FNDC3A: variants seen among roughly 807,000 people sequenced by gnomAD.
FNDC3A encodes fibronectin type III domain containing 3A, also known as fibronectin type-III domain-containing protein 3A.
FNDC3A carries 32 observed loss-of-function variants against 148.9 expected under a neutral mutation model. The ratio of observed to expected loss-of-function variants is 0.21; its 90% CI spans 0.16 to 0.29. The LOEUF (loss-of-function observed/expected upper bound fraction) is 0.29, where lower values mean the gene tolerates loss of function less well. FNDC3A is among the 10% of genes least tolerant of loss of function. The pLI is 1.00. For synonymous variants in FNDC3A, 472 were observed against 473.6 expected (o/e 1.00, Z 0.04); for missense variants, 1,191 against 1,452.8 (o/e 0.82, Z 2.93).
chr13:48,975,868 G>T (rs1363338646), upstream of FNDC3A: 2 of 151,236 alleles, frequency 1.3e-5, no homozygotes, highest in Non-Finnish European at 3.0e-5. Context: ...CTCCGTCGGC[G>T]GGGCCCGCGC....
intron 1 of FNDC3A, among the ~76,000 whole-genome samples, chr13:48,983,252 A>G (rs181476756): frequency 4.7e-4 from 71 of 152,354 alleles, no homozygotes; most frequent in Admixed American, 7.2e-4. Flanking sequence ...GTCTTTTAAT[A>G]TTTAAATGCA....
intron 11 of FNDC3A, 89 bp downstream of exon 11, chr13:49,172,185 A>G: frequency 1.3e-6 from 1 of 759,596 alleles, no homozygotes. Flanking sequence ...ATCATCAAGT[A>G]TATTCTTCTG....
chr13:49,010,106 C>T (rs893377484), intron 2 of FNDC3A, among the ~76,000 whole-genome samples: 1 of 152,154 alleles, frequency 6.6e-6, no homozygotes, highest in Non-Finnish European at 1.5e-5. Flanking sequence ...ATGTTCTGGT[C>T]AGGAGGCAGA....
At position 49,167,311 on chromosome 13, in the gene FNDC3A, A is replaced by G. The variant is rs1363514107; in HGVS notation, c.1037+8A>G. On this transcript the variant is annotated splice_region_variant and intron_variant, in intron 9 of 25. Coordinates refer to ENST00000492622, the MANE Select transcript of FNDC3A (RefSeq NM_001079673.2). ...CATGGATTACCATGCAAAGTAAGGA[A>G]TTCCTACAGATTGCCTTTATAAGAT... is the stretch of plus-strand genomic sequence containing the variant. The G allele has an allele frequency of 3.2e-6, 5 of 1,566,486 alleles. No homozygotes were observed. Among genetic ancestry groups the G allele is most frequent in the Non-Finnish European group, 4.4e-6 (5 of 1,144,014 alleles).
chr13:49,167,318 C>A lies in FNDC3A; in HGVS notation c.1037+15C>A. On this transcript the variant is annotated intron_variant, in intron 9 of 25. Coordinates refer to ENST00000492622, the MANE Select transcript of FNDC3A (RefSeq NM_001079673.2). Reference sequence around the variant, plus strand: ...TACCATGCAAAGTAAGGAATTCCTACAGATTGCCTTTATAAGATACAGCAT... The same window carrying A: ...TACCATGCAAAGTAAGGAATTCCTAAAGATTGCCTTTATAAGATACAGCAT... The A allele has an allele frequency of 6.5e-7, 1 of 1,540,000 alleles. No individual in the cohort carries two copies.
In FNDC3A at chr13:49,156,546, A is replaced by G. The variant is rs958136212; in HGVS notation, c.977+10611A>G. Reference sequence around the variant, plus strand: ...TTTAAAGTTAATATTGTTATGTGTGAATTTGATCCTGTCATTATGATGTTA... The same window carrying G: ...TTTAAAGTTAATATTGTTATGTGTGGATTTGATCCTGTCATTATGATGTTA... On this transcript the variant is annotated intron_variant, in intron 8 of 25. Transcript: ENST00000492622. Among the ~76,000 whole-genome samples, 33 of 147,998 alleles carry G rather than the reference A, an allele frequency of 2.2e-4. No individual in the cohort carries two copies. In the Middle Eastern group the frequency reaches 0.01, roughly 47 times the overall value.
chr13:49,140,176 C>G (rs965302889), intron 7 of FNDC3A, among the ~76,000 whole-genome samples: 1 of 151,958 alleles, frequency 6.6e-6, no homozygotes, highest in Non-Finnish European at 1.5e-5. Context: ...CTACAAAAAA[C>G]AAATACAGAT....
At chr13:49,167,164 CTA>C (rs1199793605) in intron 8 of FNDC3A, 78 bp from the exon 9 acceptor site, 1 of 753,286 alleles carries the variant, frequency 1.3e-6, no homozygotes, top group Non-Finnish European at 2.2e-6. Context: ...ATAAAATACT[CTA>C]AACTATAGTG....
At chr13:49,163,898 G>T (rs569000685) in intron 8 of FNDC3A, among the ~76,000 whole-genome samples, 8 of 152,228 alleles carry the variant, frequency 5.3e-5, no homozygotes, top group African/African-American at 1.7e-4. Flanking sequence ...TTCTTATTAT[G>T]ATTGTGGTTT....
chr13:49,104,893 T>C (rs1880076160), intron 3 of FNDC3A, among the ~76,000 whole-genome samples: 1 of 152,172 alleles, frequency 6.6e-6, no homozygotes, highest in Non-Finnish European at 1.5e-5. Context: ...TAGAGAAAGT[T>C]TTTTTAGGAT....
chr13:49,018,477 A>G lies in FNDC3A; in HGVS notation c.99+12188A>G, dbSNP rs538397144. 2.6e-5 allele frequency among the ~76,000 whole-genome samples: 4 copies of G among 152,230 alleles called. No homozygotes were observed. In the South Asian group the frequency reaches 6.2e-4, roughly 24 times the overall value. On this transcript the variant is annotated intron_variant, in intron 2 of 25. Transcript: ENST00000492622. ...TCAGCTCCTTTAAGCACTTCTCTGTATTGGTTATTCTAGTTATACATTATT... is the reference window on the plus strand; with the variant it reads ...TCAGCTCCTTTAAGCACTTCTCTGTGTTGGTTATTCTAGTTATACATTATT...
intron 2 of FNDC3A, among the ~76,000 whole-genome samples, chr13:49,009,676 A>G (rs535409379): frequency 4.8e-4 from 73 of 152,336 alleles, no homozygotes; most frequent in Middle Eastern, 3.4e-3. Flanking sequence ...TTTATAGAAC[A>G]TAAGCTTCAA....
Position 49,136,677 on chromosome 13 carries a change from CT to C in FNDC3A, c.760+79del, listed in dbSNP as rs568231207. On this transcript the variant is annotated intron_variant, in intron 6 of 25. Coordinates refer to ENST00000492622, the MANE Select transcript of FNDC3A (RefSeq NM_001079673.2). ...TAACCTACTAAAAGTATATTCTAAC[CT>C]TTCAGTCATTTTGTCATGGTCCAAA... 470 of 1,418,914 alleles carry C rather than the reference CT, an allele frequency of 3.3e-4. 1 individual carries two copies. In the African/African-American group the frequency reaches 5.9e-3, roughly 18 times the overall value. The allele number at this position is 1,418,914 out of a possible 1,614,324, so 87.9% of individuals were successfully genotyped here.
chr13:49,198,338 CTT>C (rs200287574), intron 22 of FNDC3A, 22 bp from the exon 23 acceptor site: 4 of 1,612,526 alleles, frequency 2.5e-6, no homozygotes, highest in Non-Finnish European at 2.5e-6. Flanking sequence ...CATAACCAAA[CTT>C]TTTTTCTTAT....
At position 49,053,718 on chromosome 13, in the gene FNDC3A, G is replaced by A. The variant is rs187469116; in HGVS notation, c.100-21571G>A. On this transcript the variant is annotated intron_variant, in intron 2 of 25. Coordinates refer to ENST00000492622, the MANE Select transcript of FNDC3A (RefSeq NM_001079673.2). ...AGACCAGCGTTCTTATTATGTAGAT[G>A]ACGTCTCATATGCCTCCACCCCCAG... Among the ~76,000 whole-genome samples the A allele has an allele frequency of 1.6e-3, 245 of 152,194 alleles. 1 individual carries two copies. Among genetic ancestry groups the A allele is most frequent in the African/African-American group, 5.6e-3 (234 of 41,508 alleles).
chr13:48,985,023 A>C (rs528719051), intron 1 of FNDC3A, among the ~76,000 whole-genome samples: 1 of 152,190 alleles, frequency 6.6e-6, no homozygotes, highest in African/African-American at 2.4e-5. Context: ...TAAAATGACA[A>C]AACTTTTAAA....
intron 2 of FNDC3A, among the ~76,000 whole-genome samples, chr13:49,025,452 G>A (rs982467488): frequency 4.6e-5 from 7 of 152,004 alleles, no homozygotes; most frequent in African/African-American, 1.7e-4. Flanking sequence ...TAACTAGTAA[G>A]CATAGTAAGC....
intron 2 of FNDC3A, among the ~76,000 whole-genome samples, chr13:49,068,696 A>G (rs1877437029): frequency 6.6e-6 from 1 of 152,232 alleles, no homozygotes; most frequent in Non-Finnish European, 1.5e-5. Context: ...AATGTGGTAC[A>G]TATACACCAT....
chr13:48,996,211 C>T (rs1024508913), intron 1 of FNDC3A, among the ~76,000 whole-genome samples: 2 of 152,020 alleles, frequency 1.3e-5, no homozygotes, highest in African/African-American at 4.8e-5. Context: ...GAAATAGAAA[C>T]AGTTACATAA....
Sources: allele counts gnomAD v4.1 joint callset (sites outside exome capture counted in the v4.1 genomes callset), GRCh38; gene constraint gnomAD v4.1.1; transcripts MANE v1.5; gene names NCBI Gene and HGNC (gene_info 2026-07-23, HGNC 2026-07-21).